NCOR1: variants seen among roughly 807,000 people sequenced by gnomAD.
NCOR1 encodes protein phosphatase 1, regulatory subunit 109.
Under a neutral mutation model 288.1 loss-of-function variants are expected in NCOR1, and 63 were observed. The observed-to-expected ratio is 0.22, with a 90% confidence interval of 0.18 to 0.27. The LOEUF (loss-of-function observed/expected upper bound fraction) is 0.27, where lower values mean the gene tolerates loss of function less well. Among genes scored for constraint, NCOR1 ranks in the 10% least tolerant of loss-of-function variants. NCOR1 has a pLI of 1.00. For synonymous variants in NCOR1, 1,007 were observed against 1,065.9 expected, an observed-to-expected ratio of 0.94 and a Z score of 1.08; for missense variants, 2,397 against 3,019.2, an observed-to-expected ratio of 0.79 and a Z score of 4.83.
intron 29 of NCOR1, 90 bp downstream of exon 29, chr17:16,072,055 G>A: frequency 9.9e-7 from 1 of 1,013,472 alleles, no homozygotes; most frequent in Non-Finnish European, 1.4e-6. Context: ...AAAATAACTT[G>A]AAAAGCAGAA....
intron 11 of NCOR1, among the ~76,000 whole-genome samples, chr17:16,141,038 G>A (rs921610684): frequency 2.7e-5 from 4 of 148,926 alleles, no homozygotes; most frequent in African/African-American, 7.6e-5. Context: ...CTGATATTAT[G>A]CAATAGTATG....
At chr17:16,191,286 T>C (rs1226026335) in intron 2 of NCOR1, among the ~76,000 whole-genome samples, 1 of 152,126 alleles carries the variant, frequency 6.6e-6, no homozygotes, top group Non-Finnish European at 1.5e-5. Context: ...ACAGAAACCC[T>C]AGGAGACAAG....
At chr17:16,148,988 C>T (rs2078448756) in intron 9 of NCOR1, among the ~76,000 whole-genome samples, 1 of 151,668 alleles carries the variant, frequency 6.6e-6, no homozygotes, top group African/African-American at 2.4e-5. Flanking sequence ...ATTATATAAC[C>T]ACAAAACTTT....
chr17:16,140,719 G>A (rs1052953683), intron 11 of NCOR1, among the ~76,000 whole-genome samples: 1 of 152,072 alleles, frequency 6.6e-6, no homozygotes, highest in African/African-American at 2.4e-5. Context: ...GAGGCTGAGG[G>A]AGTAGAATCG....
intron 42 of NCOR1, among the ~76,000 whole-genome samples, chr17:16,043,826 ATAGAT>A (rs1297030356): frequency 1.3e-5 from 2 of 152,210 alleles, no homozygotes; most frequent in Admixed American, 6.5e-5. Context: ...GCTGTAAATA[ATAGAT>A]TAAACTGTTG....
At chr17:16,187,591 T>A (rs973947806) in intron 2 of NCOR1, among the ~76,000 whole-genome samples, 1 of 151,374 alleles carries the variant, frequency 6.6e-6, no homozygotes, top group Admixed American at 6.6e-5. Flanking sequence ...ATGATTCCAT[T>A]TATATAAAAT....
At chr17:16,196,604 T>A (rs1395643886) in intron 1 of NCOR1, among the ~76,000 whole-genome samples, 1 of 151,844 alleles carries the variant, frequency 6.6e-6, no homozygotes, top group Non-Finnish European at 1.5e-5. Flanking sequence ...GGCGGGTGGA[T>A]CATGAGGTCA....
intron 21 of NCOR1, among the ~76,000 whole-genome samples, chr17:16,092,647 TTATATATATATATATATATATATATATA>T (rs10592611): frequency 6.2e-5 from 2 of 32,134 alleles, no homozygotes; most frequent in Non-Finnish European, 1.1e-4. Flanking sequence ...TCAGATCCAT[TTATATATATATATATATATATATATATA>T]TATATATATA....
chr17:16,049,767 A>G (rs1597853402), intron 40 of NCOR1, among the ~76,000 whole-genome samples: 1 of 152,072 alleles, frequency 6.6e-6, no homozygotes, highest in South Asian at 2.1e-4. Context: ...TTGTATTTTT[A>G]GTAGAGACGG....
chr17:16,146,105 G>C lies in NCOR1; in HGVS notation c.1082+271C>G, dbSNP rs539599245. Among the ~76,000 whole-genome samples the C allele has an allele frequency of 1.3e-3, 197 of 152,212 alleles. 1 individual carries two copies. Among genetic ancestry groups the C allele is most frequent in the Middle Eastern group, 0.01 (3 of 294 alleles). On this transcript the variant is annotated intron_variant, in intron 10 of 45. Transcript: ENST00000268712. ...ACAGATGCTTGAAGGCAGCATGCTC[G>C]TTAAGAGTCATCACCACTCCCTAAT...
intron 14 of NCOR1, among the ~76,000 whole-genome samples, chr17:16,133,539 T>C (rs1487942841): frequency 1.3e-5 from 2 of 152,072 alleles, no homozygotes; most frequent in African/African-American, 2.4e-5. Context: ...ATCAAGGGAG[T>C]TGATACATAG....
chr17:16,155,116 C>T (rs2079511466), intron 6 of NCOR1, among the ~76,000 whole-genome samples: 1 of 152,080 alleles, frequency 6.6e-6, no homozygotes, highest in African/African-American at 2.4e-5. Flanking sequence ...CTTTGGGAGG[C>T]CTAGGTAGGT....
chr17:16,197,282 C>T (rs2090021587), intron 1 of NCOR1, among the ~76,000 whole-genome samples: 1 of 151,518 alleles, frequency 6.6e-6, no homozygotes. Context: ...GATGGCACCA[C>T]TGCACTCCAG....
At chr17:16,066,586 G>A (rs1188316672) in intron 32 of NCOR1, among the ~76,000 whole-genome samples, 2 of 152,272 alleles carry the variant, frequency 1.3e-5, no homozygotes, top group Middle Eastern at 3.4e-3. Flanking sequence ...TATTTTATAT[G>A]TATATGTTCT....
chr17:16,107,455 G>C lies in NCOR1; in HGVS notation c.2182+1331C>G, dbSNP rs988852370. Among the ~76,000 whole-genome samples, 7 of 152,164 alleles carry C rather than the reference G, an allele frequency of 4.6e-5. No individual in the cohort carries two copies. The East Asian group carries it at 1.3e-3, about 29-fold the overall frequency. On this transcript the variant is annotated intron_variant, in intron 19 of 45. Transcript: ENST00000268712. ...TAAGGACAAAGTAACAAGGCGGTTA[G>C]CCATCTGCAAGCCACAAAGACAGCC...
intron 29 of NCOR1, 64 bp from the exon 30 acceptor site, chr17:16,071,729 T>TTAAA: frequency 6.8e-7 from 1 of 1,461,454 alleles, no homozygotes; most frequent in South Asian, 1.3e-5. Flanking sequence ...GCCACGGAAC[T>TTAAA]GTGCACTTAA....
chr17:16,073,627 T>A (rs1252075121), intron 27 of NCOR1, 58 bp from the exon 28 acceptor site: 5 of 1,379,668 alleles, frequency 3.6e-6, no homozygotes, highest in Non-Finnish European at 4.8e-6. Flanking sequence ...CAATGTACAG[T>A]AAATAGGTTA....
chr17:16,187,545 A>G (rs1280933120), intron 2 of NCOR1, among the ~76,000 whole-genome samples: 1 of 151,920 alleles, frequency 6.6e-6, no homozygotes, highest in Admixed American at 6.6e-5. Context: ...AAGTTTAAAA[A>G]AAAAAAAAAA....
intron 6 of NCOR1, among the ~76,000 whole-genome samples, chr17:16,154,089 C>T (rs1233207407): frequency 7.0e-6 from 1 of 143,682 alleles, no homozygotes; most frequent in Non-Finnish European, 1.5e-5. Context: ...CACAATGGCA[C>T]GATCATAGCT....
Sources: allele counts gnomAD v4.1 joint callset (sites outside exome capture counted in the v4.1 genomes callset), GRCh38; gene constraint gnomAD v4.1.1; transcripts MANE v1.5; gene names NCBI Gene and HGNC (gene_info 2026-07-23, HGNC 2026-07-21).